NRXN1: variants seen among roughly 807,000 people sequenced by gnomAD.
NRXN1 encodes the protein neurexin-1.
Under a neutral mutation model 150.9 loss-of-function variants are expected in NRXN1, and 39 were observed. The ratio of observed to expected loss-of-function variants is 0.26; its 90% CI spans 0.20 to 0.34. NRXN1 has a LOEUF of 0.34. Ranked by LOEUF, NRXN1 falls within the 10% of genes least tolerant of loss-of-function variation. NRXN1 has a pLI of 1.00. For synonymous variants in NRXN1, 924 were observed against 757.0 expected (o/e 1.22, Z -3.62); for missense variants, 1,815 against 1,949.9 (o/e 0.93, Z 1.30).
In NRXN1 at chr2:50,508,677, G is replaced by C. The variant is rs1048222258; in HGVS notation, c.2375-2060C>G. On this transcript the variant is annotated intron_variant, in intron 12 of 22. Coordinates refer to ENST00000401669, the MANE Select transcript of NRXN1 (RefSeq NM_001330078.2). Reference sequence around the variant, plus strand: ...AAGCATACATAAGGGTGATATCATCGTTATACCCCATCCTTGGCTTGATCT... The same window carrying C: ...AAGCATACATAAGGGTGATATCATCCTTATACCCCATCCTTGGCTTGATCT... Among the ~76,000 whole-genome samples, 7 of 151,886 alleles carry C rather than the reference G, an allele frequency of 4.6e-5. No homozygotes were observed. In the South Asian group the frequency reaches 1.5e-3, roughly 32 times the overall value.
intron 21 of NRXN1, among the ~76,000 whole-genome samples, chr2:49,992,166 G>A (rs1682079657): frequency 6.6e-6 from 1 of 152,116 alleles, no homozygotes; most frequent in Admixed American, 6.5e-5. Context: ...CCTTGGGTAT[G>A]GCACTGACTT....
At chr2:50,447,196 G>A (rs2086492767) in intron 17 of NRXN1, among the ~76,000 whole-genome samples, 1 of 151,946 alleles carries the variant, frequency 6.6e-6, no homozygotes, top group Admixed American at 6.6e-5. Context: ...AATGCTGTCT[G>A]GGCATGGTGG....
intron 5 of NRXN1, among the ~76,000 whole-genome samples, chr2:50,824,106 A>G (rs555533699): frequency 1.4e-4 from 21 of 152,188 alleles, no homozygotes; most frequent in Admixed American, 5.2e-4. Flanking sequence ...CAGAGCCACA[A>G]AGTGTGGCTG....
chr2:50,702,630 A>T (rs555192939), intron 5 of NRXN1, among the ~76,000 whole-genome samples: 1 of 152,048 alleles, frequency 6.6e-6, no homozygotes, highest in African/African-American at 2.4e-5. Context: ...ACTTTTCTTG[A>T]TTTTTTTAAA....
intron 18 of NRXN1, among the ~76,000 whole-genome samples, chr2:50,179,361 GC>G (rs2060554596): frequency 6.6e-6 from 1 of 152,014 alleles, no homozygotes; most frequent in African/African-American, 2.4e-5. Context: ...CATAATTACT[GC>G]TTTTGTTTAA....
intron 18 of NRXN1, among the ~76,000 whole-genome samples, chr2:50,153,138 T>A (rs1013368809): frequency 4.6e-5 from 7 of 151,722 alleles, no homozygotes; most frequent in Non-Finnish European, 8.8e-5. Flanking sequence ...TCTAGTAAAT[T>A]TTTCATGTTA....
chr2:50,061,946 A>G (rs944186822), intron 19 of NRXN1, among the ~76,000 whole-genome samples: 1 of 152,172 alleles, frequency 6.6e-6, no homozygotes, highest in Non-Finnish European at 1.5e-5. Context: ...TGACAGGAGG[A>G]AAGACTCCCT....
intron 21 of NRXN1, among the ~76,000 whole-genome samples, chr2:49,950,566 A>T (rs1673748909): frequency 6.6e-6 from 1 of 152,014 alleles, no homozygotes; most frequent in Admixed American, 6.6e-5. Flanking sequence ...CAAATAATTT[A>T]CTGTTCTCTC....
Position 51,027,652 on chromosome 2 carries a change from G to A in NRXN1, c.622C>T (p.Pro208Ser), listed in dbSNP as rs200171245. 3 of 1,600,302 alleles carry A rather than the reference G, an allele frequency of 1.9e-6. No homozygotes were observed. Among genetic ancestry groups the A allele is most frequent in the Non-Finnish European group, 2.6e-6 (3 of 1,173,670 alleles). The stretch of plus-strand genomic sequence containing the variant: ...GGGCTTCCCCCGCCGCTGTTGGGCG[G>A]CTCATCGTCCAGCTTCACCTCGCCG... The part of the protein sequence containing the change: ...DSGEVKLDDE[P>S]PNSGGGSPCE... Residue 208 changes from proline to serine, a missense_variant, in exon 2 of 23, where the codon CCG becomes TCG. Around this residue, in one of 6 missense-constraint regions of NRXN1, gnomAD observed 554 missense variants for 478.8 expected, o/e 1.16. Transcript: ENST00000401669.
intron 17 of NRXN1, chr2:50,432,385 G>C (rs950562501): frequency 6.6e-6 from 1 of 152,016 alleles, no homozygotes. Context: ...CCCATCTCAC[G>C]CACGTATTTA....
chr2:50,807,939 C>T (rs1667723408), intron 5 of NRXN1, among the ~76,000 whole-genome samples: 1 of 151,972 alleles, frequency 6.6e-6, no homozygotes, highest in Admixed American at 6.6e-5. Context: ...TGTATTTTTG[C>T]TTTATATAAA....
At chr2:50,566,665 G>A (rs144325459) in intron 8 of NRXN1, among the ~76,000 whole-genome samples, 31 of 152,224 alleles carry the variant, frequency 2.0e-4, no homozygotes, top group African/African-American at 6.5e-4. Context: ...GTCTTATGAA[G>A]TAGACATTTT....
At chr2:50,353,805 C>G (rs1419221316) in intron 17 of NRXN1, among the ~76,000 whole-genome samples, 1 of 152,118 alleles carries the variant, frequency 6.6e-6, no homozygotes, top group South Asian at 2.1e-4. Flanking sequence ...ATTACCATAG[C>G]CTCTGTTTCT....
intron 18 of NRXN1, among the ~76,000 whole-genome samples, chr2:50,133,134 A>G (rs568465789): frequency 6.6e-6 from 1 of 152,304 alleles, no homozygotes; most frequent in South Asian, 2.1e-4. Flanking sequence ...AGATGAAGAC[A>G]GCAAAAAATG....
chr2:49,998,678 A>C, intron 21 of NRXN1, among the ~76,000 whole-genome samples: 1 of 152,196 alleles, frequency 6.6e-6, no homozygotes, highest in African/African-American at 2.4e-5. Flanking sequence ...CTTTTTAAAA[A>C]AAATAATGTC....
chr2:50,270,763 G>A (rs575007572), intron 17 of NRXN1, among the ~76,000 whole-genome samples: 3 of 151,370 alleles, frequency 2.0e-5, no homozygotes, highest in East Asian at 2.0e-4. Flanking sequence ...TCCACCTCCC[G>A]GGTTCAAGCA....
intron 18 of NRXN1, among the ~76,000 whole-genome samples, chr2:50,140,005 T>A (rs1707036684): frequency 6.6e-6 from 1 of 152,112 alleles, no homozygotes; most frequent in Non-Finnish European, 1.5e-5. Flanking sequence ...ATATTAACTC[T>A]CCTAAAGCAA....
At chr2:49,977,869 G>A (rs976044863) in intron 21 of NRXN1, among the ~76,000 whole-genome samples, 1 of 152,108 alleles carries the variant, frequency 6.6e-6, no homozygotes, top group Non-Finnish European at 1.5e-5. Flanking sequence ...ATTTTTAAAG[G>A]TATGGACAGA....
At chr2:50,733,591 T>C (rs1698366545) in intron 5 of NRXN1, among the ~76,000 whole-genome samples, 1 of 152,136 alleles carries the variant, frequency 6.6e-6, no homozygotes, top group Non-Finnish European at 1.5e-5. Context: ...AAAAAGTAAA[T>C]ACAACCATAA....
Sources: allele counts gnomAD v4.1 joint callset (sites outside exome capture counted in the v4.1 genomes callset), GRCh38; gene constraint gnomAD v4.1.1; regional missense constraint gnomAD v4.1.1; transcripts MANE v1.5; gene names NCBI Gene and HGNC (gene_info 2026-07-23, HGNC 2026-07-21).